Variants in CHRM3 observed in about 807,000 individuals in gnomAD.
The protein encoded by CHRM3 is cholinergic receptor muscarinic 3.
In CHRM3, 11 loss-of-function variants were observed where a neutral mutation model predicts 41.8. The observed-to-expected ratio is 0.26, with a 90% CI of 0.17 to 0.44. The LOEUF (loss-of-function observed/expected upper bound fraction) is 0.44. Among genes scored for constraint, CHRM3 ranks in the 20% least tolerant of loss-of-function variants. The pLI, the probability that CHRM3 is intolerant of heterozygous loss-of-function variation, is 1.00. For missense variants in CHRM3, 571 were observed against 745.4 expected (o/e 0.77, Z 2.72); for synonymous variants, 297 against 301.4 (o/e 0.99, Z 0.15).
chr1:239,851,228 T>A (rs944579602), intron 6 of CHRM3, among the ~76,000 whole-genome samples: 1 of 152,084 alleles, frequency 6.6e-6, no homozygotes, highest in African/African-American at 2.4e-5. Flanking sequence ...TTAAAGAAAA[T>A]CTGAAGAAAG....
intron 5 of CHRM3, among the ~76,000 whole-genome samples, chr1:239,736,704 ACCAGCT>A (rs886340291): frequency 6.6e-6 from 1 of 152,156 alleles, no homozygotes; most frequent in Non-Finnish European, 1.5e-5. Context: ...TAGTTCCATA[ACCAGCT>A]ATGCCAATAC....
At chr1:239,623,431 A>C (rs1399318608) in intron 3 of CHRM3, among the ~76,000 whole-genome samples, 2 of 151,258 alleles carry the variant, frequency 1.3e-5, no homozygotes, top group Non-Finnish European at 2.9e-5. Context: ...GTCCCTACAA[A>C]GGACATGAAC....
chr1:239,839,675 G>C (rs1006709569), intron 6 of CHRM3, among the ~76,000 whole-genome samples: 3 of 152,092 alleles, frequency 2.0e-5, no homozygotes, highest in African/African-American at 7.2e-5. Context: ...AAATATTCAA[G>C]GTCAAGAGTC....
intron 4 of CHRM3, among the ~76,000 whole-genome samples, chr1:239,642,461 G>C (rs559935480): frequency 6.6e-6 from 1 of 152,004 alleles, no homozygotes; most frequent in African/African-American, 2.4e-5. Context: ...GGCTTTGTTC[G>C]TTTCTTTATA....
intron 3 of CHRM3, among the ~76,000 whole-genome samples, chr1:239,566,764 G>C (rs1006168834): frequency 1.3e-5 from 2 of 152,144 alleles, no homozygotes; most frequent in African/African-American, 4.8e-5. Context: ...TTGAGGTTTA[G>C]GCCCTCCAGC....
intron 1 of CHRM3, among the ~76,000 whole-genome samples, chr1:239,454,486 T>C (rs556249792): frequency 4.9e-4 from 75 of 151,952 alleles, no homozygotes; most frequent in Admixed American, 3.1e-3. Context: ...CTTTTTTTTT[T>C]ATGGAGGCTT....
rs1680330087 is a variant in CHRM3, at chr1:239,910,907, C to G, written c.*1683C>G. 1 of 167,026 alleles carries G rather than the reference C, an allele frequency of 6.0e-6. No homozygotes were observed. Among genetic ancestry groups the G allele is most frequent in the Admixed American group, 6.5e-5 (1 of 15,274 alleles). 10.3% of individuals were successfully genotyped at this position (167,026 alleles called of 1,614,324 possible). Reference sequence around the variant, plus strand: ...AGTGTACTCAGTGGTGTCTGTGTATCTGAACTATTTAATTTCGTGTTATGT... The same window carrying G: ...AGTGTACTCAGTGGTGTCTGTGTATGTGAACTATTTAATTTCGTGTTATGT... On this transcript the variant is annotated 3_prime_UTR_variant, in exon 7 of 7. Coordinates refer to ENST00000676153, the MANE Select transcript of CHRM3 (RefSeq NM_001375978.1).
At chr1:239,622,572 T>C (rs561856917) in intron 3 of CHRM3, among the ~76,000 whole-genome samples, 3 of 152,236 alleles carry the variant, frequency 2.0e-5, no homozygotes, top group Admixed American at 6.5e-5. Context: ...ATAAATACCA[T>C]TGTGGTAGAA....
chr1:239,486,436 C>A (rs1667186419), intron 1 of CHRM3, among the ~76,000 whole-genome samples: 1 of 152,142 alleles, frequency 6.6e-6, no homozygotes, highest in African/African-American at 2.4e-5. Context: ...CTGATGCCTG[C>A]CCATACACAC....
At chr1:239,597,229 G>T (rs985988901) in intron 3 of CHRM3, among the ~76,000 whole-genome samples, 10 of 152,000 alleles carry the variant, frequency 6.6e-5, no homozygotes, top group Non-Finnish European at 1.5e-4. Flanking sequence ...GGGCACCGGA[G>T]AAAAAAGAAG....
intron 5 of CHRM3, among the ~76,000 whole-genome samples, chr1:239,798,036 A>G (rs2148902512): frequency 6.6e-6 from 1 of 152,180 alleles, no homozygotes; most frequent in South Asian, 2.1e-4. Context: ...GTGACAGAAC[A>G]AGACCCTATC....
chr1:239,765,780 C>T (rs972644251), intron 5 of CHRM3, among the ~76,000 whole-genome samples: 2 of 151,326 alleles, frequency 1.3e-5, no homozygotes, highest in African/African-American at 2.4e-5. Context: ...TGGCAATGAA[C>T]TAAGTTTAAT....
At chr1:239,403,976 GGAGAGAGAGAGA>G (rs531556599) in intron 1 of CHRM3, among the ~76,000 whole-genome samples, 7 of 46,488 alleles carry the variant, frequency 1.5e-4, no homozygotes, top group South Asian at 3.7e-3. Context: ...AGAGGGAGGG[GGAGAGAGAGAGA>G]GAGAGAGAGA....
chr1:239,834,854 A>G (rs181217848), intron 6 of CHRM3, among the ~76,000 whole-genome samples: 26 of 152,278 alleles, frequency 1.7e-4, no homozygotes, highest in African/African-American at 5.8e-4. Flanking sequence ...AATGATATTC[A>G]CTGGGTACAC....
chr1:239,578,002 G>A (rs984951373), intron 3 of CHRM3, among the ~76,000 whole-genome samples: 2 of 152,180 alleles, frequency 1.3e-5, no homozygotes, highest in African/African-American at 4.8e-5. Context: ...TTCTTCCCAA[G>A]AATGTGTGCA....
chr1:239,632,972 G>A (rs895867891), intron 4 of CHRM3, among the ~76,000 whole-genome samples: 8 of 152,168 alleles, frequency 5.3e-5, no homozygotes, highest in African/African-American at 1.4e-4. Flanking sequence ...AGCAAGCCAT[G>A]TCTTTTTTGT....
chr1:239,820,900 T>C (rs1359852672), intron 5 of CHRM3, among the ~76,000 whole-genome samples: 1 of 152,172 alleles, frequency 6.6e-6, no homozygotes, highest in Admixed American at 6.5e-5. Context: ...TAAAAAATGT[T>C]AGTATTTAAA....
At chr1:239,697,052 T>C (rs1202674037) in intron 5 of CHRM3, among the ~76,000 whole-genome samples, 3 of 152,212 alleles carry the variant, frequency 2.0e-5, no homozygotes, top group Non-Finnish European at 4.4e-5. Context: ...TTTTAGTCAC[T>C]GGCCCCTCAA....
intron 5 of CHRM3, among the ~76,000 whole-genome samples, chr1:239,730,843 A>G (rs2148418997): frequency 6.7e-6 from 1 of 150,320 alleles, no homozygotes; most frequent in East Asian, 1.9e-4. Flanking sequence ...AAGAAGGCAG[A>G]GAGAGAGAGA....
Sources: gnomAD v4.1 joint callset for allele counts (sites outside exome capture counted in the v4.1 genomes callset) on GRCh38, gnomAD v4.1.1 for gene constraint, MANE v1.5 for transcripts, NCBI Gene and HGNC (gene_info 2026-07-23, HGNC 2026-07-21) for gene names.